The following CCDC80 variants were observed in gnomAD, a reference collection of about 807,000 sequenced individuals.
The protein encoded by CCDC80 is coiled-coil domain-containing protein 80.
Under a neutral mutation model 78.7 loss-of-function variants are expected in CCDC80, and 49 were observed. That is an observed-to-expected ratio of 0.62 (90% CI 0.50 to 0.79). CCDC80 has a LOEUF of 0.79. Among genes scored for constraint, CCDC80 ranks in the 30% least tolerant of loss-of-function variants. CCDC80 has a pLI of 0.00. For synonymous variants in CCDC80, 488 were observed against 447.0 expected, an observed-to-expected ratio of 1.09 and a Z score of -1.16; for missense variants, 1,205 against 1,198.6, an observed-to-expected ratio of 1.01 and a Z score of -0.08.
rs768070081 is a variant in CCDC80, at chr3:112,605,585, C to A, written c.2685G>T (p.Ser895=). 1.9e-6 allele frequency: 3 copies of A among 1,614,126 alleles called. No homozygotes were observed. Among genetic ancestry groups the A allele is most frequent in the Admixed American group, 3.3e-5 (2 of 60,020 alleles). The change falls in exon 8 of 8, where the codon TCG becomes TCT. Residue 895 remains serine (S), a synonymous_variant. Coordinates refer to ENST00000206423, the MANE Select transcript of CCDC80 (RefSeq NM_199511.3). The part of the protein sequence containing the change: ...SMVIVYDLID[S]MQLRRQEMAI... ...CCATTTCCTGTCTCCGAAGTTGCAT[C>A]GAATCAATTAAATCGTACACAATCA...
chr3:112,618,743 C>T (rs1179738381), intron 4 of CCDC80, among the ~76,000 whole-genome samples: 1 of 152,134 alleles, frequency 6.6e-6, no homozygotes, highest in Non-Finnish European at 1.5e-5. Context: ...TAGTCTGAGT[C>T]AAGTAGCTGG....
In CCDC80 at chr3:112,597,949, A is replaced by G. The variant is rs2107462346; in HGVS notation, c.*7468T>C. ...ATTCCTGGTTCCTGGAAAAGTACAT[A>G]TAGAATAGTATAAATACAATAAATG... is the stretch of plus-strand genomic sequence containing the variant. On this transcript the variant is annotated 3_prime_UTR_variant, in exon 8 of 8. Coordinates refer to ENST00000206423, the MANE Select transcript of CCDC80 (RefSeq NM_199511.3). 6.6e-6 allele frequency: 1 copy of G among 152,350 alleles called. No individual in the cohort carries two copies. Among genetic ancestry groups the G allele is most frequent in the South Asian group, 2.1e-4 (1 of 4,822 alleles). The allele number at this position is 152,350 out of a possible 1,614,324, so 9.4% of individuals were successfully genotyped here.
chr3:112,621,117 T>A (rs1317931155), intron 3 of CCDC80, among the ~76,000 whole-genome samples: 1 of 152,168 alleles, frequency 6.6e-6, no homozygotes, highest in Non-Finnish European at 1.5e-5. Flanking sequence ...CCTATACCTA[T>A]GCCCAGTAAC....
In CCDC80 at chr3:112,601,401, C is replaced by T. The variant is rs759042418; in HGVS notation, c.*4016G>A. On this transcript the variant is annotated 3_prime_UTR_variant, in exon 8 of 8. Coordinates refer to ENST00000206423, the MANE Select transcript of CCDC80 (RefSeq NM_199511.3). Reference sequence around the variant, plus strand: ...ATGATTAATAACAGTGGAAAATAGCCTTCCCATTATTGTTAGAGGATGGTG... The same window carrying T: ...ATGATTAATAACAGTGGAAAATAGCTTTCCCATTATTGTTAGAGGATGGTG... The T allele has an allele frequency of 6.6e-6, 1 of 152,088 alleles. No individual in the cohort carries two copies. Among genetic ancestry groups the T allele is most frequent in the Non-Finnish European group, 1.5e-5 (1 of 68,020 alleles). The allele number at this position is 152,088 out of a possible 1,614,324, so 9.4% of individuals were successfully genotyped here. A position where few individuals can be genotyped will look rare whatever the true frequency, so the allele number is the denominator to read the frequency against.
chr3:112,620,828 T>C (rs779943026), intron 3 of CCDC80, among the ~76,000 whole-genome samples: 3 of 152,258 alleles, frequency 2.0e-5, no homozygotes, highest in Non-Finnish European at 4.4e-5. Flanking sequence ...ATTTGGAAAT[T>C]ACAATTTTTA....
intron 5 of CCDC80, chr3:112,610,339 G>A: frequency 2.1e-6 from 1 of 473,632 alleles, no homozygotes; most frequent in South Asian, 2.1e-5. Context: ...TGGTCACAAT[G>A]CCTAATGAGG....
chr3:112,638,699 T>A lies in CCDC80; in HGVS notation c.1207A>T (p.Ile403Phe). Residue 403 changes from isoleucine to phenylalanine, a missense_variant, in exon 2 of 8, where the codon ATC becomes TTC. Ile to Phe is a conservative substitution (Grantham distance 21). Transcript: ENST00000206423. Reference protein sequence around the residue: ...SHRPPTTTEVITARRPSVSEN... With the variant: ...SHRPPTTTEVFTARRPSVSEN... Reference sequence around the variant, plus strand: ...GAAACTGAGGGTCTCCTGGCAGTGATCACCTCAGTGGTTGTAGGGGGCCTG... The same window carrying A: ...GAAACTGAGGGTCTCCTGGCAGTGAACACCTCAGTGGTTGTAGGGGGCCTG... 6.2e-7 allele frequency: 1 copy of A among 1,613,980 alleles called. No individual in the cohort carries two copies. Among genetic ancestry groups the A allele is most frequent in the South Asian group, 1.1e-5 (1 of 91,072 alleles).
chr3:112,622,822 A>ATTTTTTTTTTTTTTTTT (rs373170477), intron 3 of CCDC80, among the ~76,000 whole-genome samples: 5 of 118,894 alleles, frequency 4.2e-5, no homozygotes, highest in African/African-American at 1.0e-4. Context: ...TGCCCAGCTA[A>ATTTTTTTTTTTTTTTTT]TTTTTTTTTT....
intron 6 of CCDC80, among the ~76,000 whole-genome samples, chr3:112,609,524 A>G (rs1477113086): frequency 1.3e-5 from 2 of 152,214 alleles, no homozygotes; most frequent in Non-Finnish European, 2.9e-5. Flanking sequence ...CATTTTTAAG[A>G]GAAGGGCAAT....
intron 3 of CCDC80, among the ~76,000 whole-genome samples, chr3:112,625,521 T>C (rs1236842538): frequency 6.6e-6 from 1 of 152,176 alleles, no homozygotes; most frequent in Non-Finnish European, 1.5e-5. Flanking sequence ...CAAGTGTCCA[T>C]GGACAAAATG....
chr3:112,609,990 C>T lies in CCDC80; in HGVS notation c.2413G>A (p.Ala805Thr), dbSNP rs768378775. The change falls in exon 6 of 8, where the codon GCG becomes ACG. Residue 805 changes from alanine to threonine, a missense_variant. By Grantham distance (58) the Ala-to-Thr change is moderately conservative. Transcript: ENST00000206423. ...GCTTCCCACTCACCAAAATTGCACG[C>T]CTGACCACTGAGGGCAGAGAGCTGC... ...SQQLSALSGQ[A>T]CNFGLRHITI... The T allele has an allele frequency of 6.2e-7, 1 of 1,613,502 alleles. No individual in the cohort carries two copies. The highest frequency in any genetic ancestry group is 1.1e-5 in the South Asian group (1 of 90,988).
intron 3 of CCDC80, among the ~76,000 whole-genome samples, chr3:112,626,809 A>G (rs1211929353): frequency 6.6e-6 from 1 of 152,136 alleles, no homozygotes; most frequent in Non-Finnish European, 1.5e-5. Context: ...CGGCCTCCCA[A>G]AGTATTGGGA....
rs967517424 is a variant in CCDC80 at position 112,599,170 on chromosome 3, T to G, written c.*6247A>C. ...AACATCTCACCTCCAGTCACACAGG[T>G]AAGTACATGGCAGGGCAAGGACAGG... On this transcript the variant is annotated 3_prime_UTR_variant, in exon 8 of 8. Transcript: ENST00000206423. 1.3e-5 allele frequency: 2 copies of G among 152,092 alleles called. No individual in the cohort carries two copies. Among genetic ancestry groups the G allele is most frequent in the African/African-American group, 2.4e-5 (1 of 41,422 alleles). The allele number at this position is 152,092 out of a possible 1,614,324, so 9.4% of individuals were successfully genotyped here. A position where few individuals can be genotyped will look rare whatever the true frequency, so the allele number is the denominator to read the frequency against.
intron 2 of CCDC80, among the ~76,000 whole-genome samples, chr3:112,632,504 T>C (rs1265477777): frequency 6.6e-6 from 1 of 152,176 alleles, no homozygotes; most frequent in African/African-American, 2.4e-5. Context: ...TACCATACTT[T>C]GCCATAGACC....
At chr3:112,635,660 G>A (rs983955081) in intron 2 of CCDC80, among the ~76,000 whole-genome samples, 1 of 152,104 alleles carries the variant, frequency 6.6e-6, no homozygotes, top group African/African-American at 2.4e-5. Flanking sequence ...CATCAGTTGG[G>A]CGCACATAGG....
chr3:112,638,392 T>G lies in CCDC80; in HGVS notation c.1514A>C (p.Glu505Ala). The change falls in exon 2 of 8, where the codon GAG becomes GCG. Residue 505 changes from glutamate (E) to alanine (A), a missense_variant. Transcript: ENST00000206423. ...KKAQDKILSN[E>A]YEEKYDLSRP... Reference sequence around the variant, plus strand: ...GCTGAGGTCATACTTCTCCTCATACTCATTACTAAGAATTTTGTCCTGGGC... The same window carrying G: ...GCTGAGGTCATACTTCTCCTCATACGCATTACTAAGAATTTTGTCCTGGGC... 6.2e-7 allele frequency: 1 copy of G among 1,613,986 alleles called. No homozygotes were observed. Among genetic ancestry groups the G allele is most frequent in the Non-Finnish European group, 8.5e-7 (1 of 1,180,024 alleles).
rs1323104598 is a variant in CCDC80, at chr3:112,603,730, A to C, written c.*1687T>G. ...ATACCTATTGTGCAGCACAGGAATC[A>C]AGGAGTCATTTGCACTTTTCGTAAG... On this transcript the variant is annotated 3_prime_UTR_variant, in exon 8 of 8. Coordinates refer to ENST00000206423, the MANE Select transcript of CCDC80 (RefSeq NM_199511.3). The C allele has an allele frequency of 1.3e-5, 2 of 151,948 alleles. No individual in the cohort carries two copies. Among genetic ancestry groups the C allele is most frequent in the Non-Finnish European group, 2.9e-5 (2 of 67,988 alleles). 9.4% of individuals were successfully genotyped at this position (151,948 alleles called of 1,614,324 possible). A position where few individuals can be genotyped will look rare whatever the true frequency, so the allele number is the denominator to read the frequency against.
intron 4 of CCDC80, among the ~76,000 whole-genome samples, chr3:112,618,019 C>T (rs1335919344): frequency 6.6e-6 from 1 of 152,130 alleles, no homozygotes; most frequent in Non-Finnish European, 1.5e-5. Flanking sequence ...CATTCTGGGC[C>T]TCTGTTTTTT....
chr3:112,634,511 A>G (rs1436676894), intron 2 of CCDC80, among the ~76,000 whole-genome samples: 3 of 152,156 alleles, frequency 2.0e-5, no homozygotes, highest in Non-Finnish European at 4.4e-5. Context: ...AAGCAGACTG[A>G]AGAATTAGGT....
Sources: gnomAD v4.1 joint callset for allele counts (sites outside exome capture counted in the v4.1 genomes callset) on GRCh38, gnomAD v4.1.1 for gene constraint, MANE v1.5 for transcripts, NCBI Gene and HGNC (gene_info 2026-07-23, HGNC 2026-07-21) for gene names.